The following OSBPL10 variants were observed in gnomAD, a reference collection of about 807,000 sequenced individuals.
OSBPL10 encodes oxysterol binding protein like 10.
In OSBPL10, 49 loss-of-function variants were observed where a neutral mutation model predicts 81.7. That is an observed-to-expected ratio of 0.60 (90% CI 0.48 to 0.76). The LOEUF is 0.76. OSBPL10 is among the 30% of genes least tolerant of loss of function. OSBPL10 has a pLI of 0.00. For synonymous variants in OSBPL10, 419 were observed against 383.6 expected (o/e 1.09, Z -1.08); for missense variants, 923 against 987.8 (o/e 0.93, Z 0.88).
At chr3:31,934,661 C>A (rs1182035507) in intron 1 of OSBPL10, among the ~76,000 whole-genome samples, 1 of 149,868 alleles carries the variant, frequency 6.7e-6, no homozygotes, top group Non-Finnish European at 1.5e-5. Flanking sequence ...CCCGCCTCGG[C>A]CTCCCAAGAG....
chr3:31,909,794 C>T (rs1251731659), intron 1 of OSBPL10, among the ~76,000 whole-genome samples: 2 of 152,094 alleles, frequency 1.3e-5, no homozygotes, highest in Non-Finnish European at 2.9e-5. Flanking sequence ...CCACATGAAT[C>T]TACTAGAATG....
At chr3:31,956,935 C>T (rs1698027236) in intron 1 of OSBPL10, among the ~76,000 whole-genome samples, 1 of 151,858 alleles carries the variant, frequency 6.6e-6, no homozygotes, top group Admixed American at 6.6e-5. Context: ...AAGTTCAAGA[C>T]CAGCCTGGGC....
At chr3:31,964,403 C>T (rs144776885) in intron 1 of OSBPL10, among the ~76,000 whole-genome samples, 3 of 152,200 alleles carry the variant, frequency 2.0e-5, no homozygotes, top group South Asian at 2.1e-4. Flanking sequence ...GTGATCTGCC[C>T]GCCTCGGCCT....
At chr3:32,008,936 A>G (rs1699228170) in intron 2 of OSBPL10, among the ~76,000 whole-genome samples, 1 of 152,210 alleles carries the variant, frequency 6.6e-6, no homozygotes, top group Non-Finnish European at 1.5e-5. Context: ...GTGCTTACAT[A>G]TATTTTTTAA....
At chr3:31,789,888 C>G (rs74510075) in intron 4 of OSBPL10, among the ~76,000 whole-genome samples, 1,786 of 152,220 alleles carry the variant, frequency 0.012, 35 homozygotes, top group African/African-American at 0.041. Flanking sequence ...ATTTGCAACT[C>G]TTTTACTAAA....
intron 5 of OSBPL10, among the ~76,000 whole-genome samples, chr3:31,743,731 G>A (rs962815974): frequency 6.6e-6 from 1 of 152,216 alleles, no homozygotes; most frequent in Non-Finnish European, 1.5e-5. Flanking sequence ...ATGGGTATTT[G>A]GTAATGCTTC....
intron 4 of OSBPL10, among the ~76,000 whole-genome samples, chr3:31,825,790 T>G (rs1700085930): frequency 6.6e-6 from 1 of 152,242 alleles, no homozygotes; most frequent in African/African-American, 2.4e-5. Flanking sequence ...CCCAAAATTC[T>G]ATTTCTAAAA....
chr3:31,737,635 A>C (rs1370226110), intron 5 of OSBPL10, among the ~76,000 whole-genome samples: 1 of 152,218 alleles, frequency 6.6e-6, no homozygotes, highest in Non-Finnish European at 1.5e-5. Flanking sequence ...TAATGTATTG[A>C]GATAAGGCGG....
At chr3:32,038,072 C>CCCT (rs1699536959) in intron 2 of OSBPL10, among the ~76,000 whole-genome samples, 1 of 152,146 alleles carries the variant, frequency 6.6e-6, no homozygotes, top group Non-Finnish European at 1.5e-5. Flanking sequence ...CTGCAGTGTT[C>CCCT]CCTCGAGCCT....
intron 6 of OSBPL10, chr3:31,718,853 T>C (rs1696540753): frequency 6.6e-6 from 1 of 152,148 alleles, no homozygotes; most frequent in African/African-American, 2.4e-5. Context: ...AATCAGAACC[T>C]CCATGGAATG....
intron 1 of OSBPL10, among the ~76,000 whole-genome samples, chr3:32,076,376 A>G (rs1425562911): frequency 6.6e-6 from 1 of 151,978 alleles, no homozygotes; most frequent in Non-Finnish European, 1.5e-5. Context: ...TCAAAAAAAA[A>G]AAAAGAATCC....
chr3:31,809,587 A>C (rs9863356), intron 4 of OSBPL10, among the ~76,000 whole-genome samples: 7,745 of 152,266 alleles, frequency 0.051, 647 homozygotes, highest in African/African-American at 0.18. Flanking sequence ...GCTGAGTCTG[A>C]AGTTCTTGTG....
At chr3:31,955,304 A>G (rs1317733941) in intron 1 of OSBPL10, among the ~76,000 whole-genome samples, 1 of 152,254 alleles carries the variant, frequency 6.6e-6, no homozygotes, top group African/African-American at 2.4e-5. Context: ...CAAGGTAGGC[A>G]TATCATCATT....
intron 3 of OSBPL10, among the ~76,000 whole-genome samples, chr3:31,866,638 G>T (rs1340094415): frequency 6.6e-6 from 1 of 152,124 alleles, no homozygotes; most frequent in African/African-American, 2.4e-5. Context: ...GAGAGTTAGG[G>T]TATATCACTG....
intron 1 of OSBPL10, among the ~76,000 whole-genome samples, chr3:31,953,213 G>A (rs550125310): frequency 4.7e-4 from 71 of 152,146 alleles, no homozygotes; most frequent in East Asian, 1.9e-4. Context: ...GATTACAGGC[G>A]TGAGCCAGCG....
At chr3:32,070,151 G>T (rs1373906125) in intron 1 of OSBPL10, among the ~76,000 whole-genome samples, 1 of 152,124 alleles carries the variant, frequency 6.6e-6, no homozygotes, top group East Asian at 1.9e-4. Context: ...ATGGTGGAGG[G>T]TAAGTCCGTC....
chr3:31,879,903 A>G, intron 1 of OSBPL10, 73 bp from the exon 2 acceptor site: 1 of 1,448,716 alleles, frequency 6.9e-7, no homozygotes, highest in South Asian at 1.4e-5. Flanking sequence ...AAAAAAGCAA[A>G]GTGATCCAGA....
intron 6 of OSBPL10, among the ~76,000 whole-genome samples, chr3:31,711,363 G>C (rs1035557679): frequency 6.6e-6 from 1 of 152,218 alleles, no homozygotes; most frequent in Non-Finnish European, 1.5e-5. Flanking sequence ...TGATCAATTA[G>C]TAATATCAGC....
At chr3:31,692,813 G>A (rs1348618449) in intron 7 of OSBPL10, among the ~76,000 whole-genome samples, 1 of 152,190 alleles carries the variant, frequency 6.6e-6, no homozygotes, top group East Asian at 1.9e-4. Context: ...GTGGAGAGCT[G>A]GAATGAGAAT....
Sources: allele counts gnomAD v4.1 joint callset (sites outside exome capture counted in the v4.1 genomes callset), GRCh38; gene constraint gnomAD v4.1.1; transcripts MANE v1.5; gene names NCBI Gene and HGNC (gene_info 2026-07-23, HGNC 2026-07-21).